ITGAV: variants seen among roughly 807,000 people sequenced by gnomAD.
ITGAV encodes integrin alpha-V.
In ITGAV, 76 loss-of-function variants were observed where a neutral mutation model predicts 143.8. That is an observed-to-expected ratio of 0.53 (90% CI 0.44 to 0.64). The LOEUF (loss-of-function observed/expected upper bound fraction) is 0.64. Among genes scored for constraint, ITGAV ranks in the 30% least tolerant of loss-of-function variants. ITGAV has a pLI of 0.00. For missense variants in ITGAV, 1,193 were observed against 1,274.7 expected (o/e 0.94, Z 0.98); for synonymous variants, 453 against 446.7 (o/e 1.01, Z -0.18).
chr2:186,611,478 C>G (rs1687215176), intron 2 of ITGAV, among the ~76,000 whole-genome samples: 1 of 152,088 alleles, frequency 6.6e-6, no homozygotes, highest in African/African-American at 2.4e-5. Context: ...CCTCCCATCT[C>G]AGCCTCCCAA....
At chr2:186,650,269 C>G (rs905910992) in intron 14 of ITGAV, among the ~76,000 whole-genome samples, 2 of 152,160 alleles carry the variant, frequency 1.3e-5, no homozygotes, top group Non-Finnish European at 2.9e-5. Context: ...GGGACCATCT[C>G]GGCTCCCTGA....
chr2:186,604,704 T>G (rs1317926855), intron 2 of ITGAV, among the ~76,000 whole-genome samples: 7 of 152,228 alleles, frequency 4.6e-5, no homozygotes, highest in Admixed American at 4.6e-4. Context: ...TTTGCATTTC[T>G]TTAATTAACA....
At chr2:186,665,341 A>T in intron 21 of ITGAV, 123 bp downstream of exon 21, 1 of 650,362 alleles carries the variant, frequency 1.5e-6, no homozygotes, top group Admixed American at 2.8e-5. Flanking sequence ...TGGTTTCGAT[A>T]TAATAGTTAA....
intron 4 of ITGAV, among the ~76,000 whole-genome samples, chr2:186,629,717 T>C (rs577728435): frequency 6.6e-6 from 1 of 152,088 alleles, no homozygotes; most frequent in Non-Finnish European, 1.5e-5. Flanking sequence ...AAAACAGATA[T>C]TTTTGGTTCC....
At chr2:186,644,399 C>T (rs776250612) in intron 12 of ITGAV, among the ~76,000 whole-genome samples, 3 of 151,918 alleles carry the variant, frequency 2.0e-5, no homozygotes, top group East Asian at 1.9e-4. Flanking sequence ...GATATCGGCT[C>T]ACTGCAACCT....
intron 1 of ITGAV, among the ~76,000 whole-genome samples, chr2:186,592,650 G>T (rs1686646162): frequency 6.6e-6 from 1 of 151,758 alleles, no homozygotes; most frequent in Admixed American, 6.6e-5. Context: ...ACAAACCAGG[G>T]TGACTAATCT....
Position 186,642,767 on chromosome 2 carries a change from T to C in ITGAV, c.1159+1179T>C, listed in dbSNP as rs141746830. Among the ~76,000 whole-genome samples the C allele has an allele frequency of 8.5e-4, 130 of 152,052 alleles. 2 individuals are homozygous for C. The East Asian group carries it at 0.024, about 28-fold the overall frequency. On this transcript the variant is annotated intron_variant, in intron 12 of 29. Coordinates refer to ENST00000261023, the MANE Select transcript of ITGAV (RefSeq NM_002210.5). ...CTGGTCTCTAACTCCTGAGCTCAAG[T>C]GATCCTCCTGCCTTGGCTGTGCGAA...
At chr2:186,661,758 G>A (rs145268755) in intron 18 of ITGAV, among the ~76,000 whole-genome samples, 1,547 of 151,790 alleles carry the variant, frequency 0.01, 92 homozygotes, top group Admixed American at 0.094. Flanking sequence ...CACCACGCCC[G>A]GCTAATTTTT....
chr2:186,608,955 C>T (rs1259255596), intron 2 of ITGAV, among the ~76,000 whole-genome samples: 1 of 152,208 alleles, frequency 6.6e-6, no homozygotes, highest in East Asian at 1.9e-4. Context: ...TGGAGTAACA[C>T]CATGAGAATA....
At chr2:186,621,310 A>C (rs1465068547) in intron 2 of ITGAV, among the ~76,000 whole-genome samples, 14 of 152,214 alleles carry the variant, frequency 9.2e-5, no homozygotes, top group Non-Finnish European at 2.1e-4. Context: ...AGACATTGTT[A>C]CACTTATCCC....
At chr2:186,600,294 C>G (rs1422222125) in intron 1 of ITGAV, 15 of 1,530,696 alleles carry the variant, frequency 9.8e-6, no homozygotes, top group African/African-American at 5.5e-5. Context: ...TTCCACTTCC[C>G]TCATCCCCAC....
At chr2:186,663,287 T>C (rs1688798821) in intron 18 of ITGAV, among the ~76,000 whole-genome samples, 1 of 152,212 alleles carries the variant, frequency 6.6e-6, no homozygotes, top group Non-Finnish European at 1.5e-5. Context: ...GAATTGCTGC[T>C]GAATATCTAC....
At chr2:186,651,954 C>G in intron 14 of ITGAV, 28 bp from the exon 15 acceptor site, 38 of 1,322,122 alleles carry the variant, frequency 2.9e-5, no homozygotes, top group Non-Finnish European at 4.0e-5. Context: ...TAATTTTTTA[C>G]TTCATCTTCT....
At position 186,590,085 on chromosome 2, in the gene ITGAV, G is replaced by A. The variant is rs1290237308; in HGVS notation, c.-254G>A. 3 of 388,492 alleles carry A rather than the reference G, an allele frequency of 7.7e-6. No homozygotes were observed. Among genetic ancestry groups the A allele is most frequent in the Non-Finnish European group, 1.4e-5 (3 of 221,878 alleles). The allele number at this position is 388,492 out of a possible 1,614,324, so 24.1% of individuals were successfully genotyped here. A position where few individuals can be genotyped will look rare whatever the true frequency, so the allele number is the denominator to read the frequency against. Reference sequence around the variant, plus strand: ...CCCAGCCTCAGACGCTGCGTGGAGCGGCGGAGCCGGAGGGAAGCAAAGGAC... The same window carrying A: ...CCCAGCCTCAGACGCTGCGTGGAGCAGCGGAGCCGGAGGGAAGCAAAGGAC... On this transcript the variant is annotated 5_prime_UTR_variant, in exon 1 of 30. Transcript: ENST00000261023.
At chr2:186,603,443 C>T (rs1252193556) in intron 2 of ITGAV, among the ~76,000 whole-genome samples, 2 of 151,898 alleles carry the variant, frequency 1.3e-5, no homozygotes, top group Non-Finnish European at 1.5e-5. Context: ...AGATCACATG[C>T]ACATGTTTTC....
Position 186,677,443 on chromosome 2 carries a change from A to G in ITGAV, c.*151A>G. On this transcript the variant is annotated 3_prime_UTR_variant, in exon 30 of 30. Transcript: ENST00000261023. ...CCACAAAATGAGAATTATATTTGTC[A>G]ACCTTCTCCTTATAAATAAGTTCAG... 1.7e-6 allele frequency: 1 copy of G among 598,994 alleles called. No individual in the cohort carries two copies. The highest frequency in any genetic ancestry group is 3.0e-6 in the Non-Finnish European group (1 of 334,040). 37.1% of individuals were successfully genotyped at this position (598,994 alleles called of 1,614,324 possible).
intron 2 of ITGAV, among the ~76,000 whole-genome samples, chr2:186,618,737 A>G (rs964553223): frequency 7.8e-5 from 6 of 76,698 alleles, no homozygotes; most frequent in Non-Finnish European, 2.0e-4. Context: ...AATGCTTAGC[A>G]TAGAAGGCAA....
chr2:186,594,156 C>G (rs1686685999), intron 1 of ITGAV, among the ~76,000 whole-genome samples: 1 of 152,162 alleles, frequency 6.6e-6, no homozygotes, highest in Non-Finnish European at 1.5e-5. Context: ...TATCTTAAAT[C>G]TAAAAGTAGA....
chr2:186,609,293 T>C (rs1687148895), intron 2 of ITGAV, among the ~76,000 whole-genome samples: 1 of 152,200 alleles, frequency 6.6e-6, no homozygotes. Context: ...TGTTAGATAG[T>C]ATATCATTTA....
Sources: allele counts gnomAD v4.1 joint callset (sites outside exome capture counted in the v4.1 genomes callset), GRCh38; gene constraint gnomAD v4.1.1; transcripts MANE v1.5; gene names NCBI Gene and HGNC (gene_info 2026-07-23, HGNC 2026-07-21).